Variants in OR52L1 observed in about 807,000 individuals in gnomAD.
OR52L1 encodes the protein olfactory receptor family 52 subfamily L member 1, also known as olfactory receptor 52L1.
OR52L1 carries 15 observed loss-of-function variants against 16.1 expected under a neutral mutation model. That is an observed-to-expected ratio of 0.93 (90% CI 0.62 to 1.44). The LOEUF is 1.44. Ranked by LOEUF, OR52L1 falls within the 40% of genes most tolerant of loss-of-function variation. OR52L1 has a pLI of 0.00. For synonymous variants in OR52L1, 166 were observed against 159.2 expected, an observed-to-expected ratio of 1.04 and a Z score of -0.32; for missense variants, 406 against 402.3, an observed-to-expected ratio of 1.01 and a Z score of -0.08.
rs766133237 is a variant in OR52L1 at position 5,986,120 on chromosome 11, C to T, written c.811G>A (p.Val271Ile). The change falls in exon 1 of 1, where the codon GTC (valine) becomes ATC (isoleucine). Residue 271 changes from valine (V) to isoleucine (I), a missense_variant. Coordinates refer to ENST00000332249, the MANE Select transcript of OR52L1 (RefSeq NM_001005173.3). ...GTGAGGAAGGAGAAAATTCCAGGGA[C>T]ATAGAAGACCAGGATGACACAAATA... ...SHICVILVFY[V>I]PGIFSFLTHR... 1.2e-5 allele frequency: 19 copies of T among 1,613,836 alleles called. No homozygotes were observed. The highest frequency in any genetic ancestry group is 2.7e-5 in the African/African-American group (2 of 74,906).
Position 5,986,446 on chromosome 11 carries a change from A to G in OR52L1, c.485T>C (p.Ile162Thr). 1 of 1,613,978 alleles carries G rather than the reference A, an allele frequency of 6.2e-7. No individual in the cohort carries two copies. The highest frequency in any genetic ancestry group is 1.3e-5 in the African/African-American group (1 of 75,026). Residue 162 changes from isoleucine to threonine, a missense_variant, in exon 1 of 1, where the codon ATC becomes ACC. By Grantham distance (89) the Ile-to-Thr change is moderately conservative. Transcript: ENST00000332249. ...TILHPGVIGR[I>T]GMVVLVRGLL... ...TCCCCTCACCAGCACCACCATTCCG[A>G]TGCGCCCTATGACCCCTGGATGCAG... is the stretch of plus-strand genomic sequence containing the variant.
Position 5,986,396 on chromosome 11 carries a change from T to C in OR52L1, c.535A>G (p.Ile179Val). ...CAGAAGATAAGTGTTCCCAACAAAA[T>C]GGGGAAGGGGATAAGGAGTAGTAAT... ...RGLLLLIPFP[I>V]LLGTLIFCQA... The change falls in exon 1 of 1, where the codon ATT becomes GTT. Residue 179 changes from isoleucine to valine, a missense_variant. Physicochemically the swap from Ile to Val is conservative, Grantham distance 29 (BLOSUM62 3). Coordinates refer to ENST00000332249, the MANE Select transcript of OR52L1 (RefSeq NM_001005173.3). 5 of 1,613,928 alleles carry C rather than the reference T, an allele frequency of 3.1e-6. No individual in the cohort carries two copies. Among genetic ancestry groups the C allele is most frequent in the Non-Finnish European group, 3.4e-6 (4 of 1,179,844 alleles).
At position 5,986,931 on chromosome 11, in the gene OR52L1, G is replaced by T. The variant is rs746453857; in HGVS notation, c.-1C>A. On this transcript the variant is annotated 5_prime_UTR_variant, in exon 1 of 1. Transcript: ENST00000332249. Reference sequence around the variant, plus strand: ...AAGAGAAAAAAGAAACCAAAGTCATGATTTCTGCATTCCTGCTACATTATC... The same window carrying T: ...AAGAGAAAAAAGAAACCAAAGTCATTATTTCTGCATTCCTGCTACATTATC... The T allele has an allele frequency of 6.2e-7, 1 of 1,611,452 alleles. No individual in the cohort carries two copies. Among genetic ancestry groups the T allele is most frequent in the South Asian group, 1.1e-5 (1 of 90,818 alleles).
At position 5,986,922 on chromosome 11, in the gene OR52L1, C is replaced by A. The variant is rs1482957997; in HGVS notation, c.9G>T (p.Leu3Phe). The change falls in exon 1 of 1, where the codon TTG (leucine) becomes TTT (phenylalanine). Residue 3 changes from leucine (L) to phenylalanine (F), a missense_variant. Physicochemically the swap from Leu to Phe is conservative, Grantham distance 22. Coordinates refer to ENST00000332249, the MANE Select transcript of OR52L1 (RefSeq NM_001005173.3). The part of the protein sequence containing the change: MT[L>F]VSFFSFLSKP... ...TGGAGAGGAAAGAGAAAAAAGAAACCAAAGTCATGATTTCTGCATTCCTGC... is the reference window on the plus strand; with the variant it reads ...TGGAGAGGAAAGAGAAAAAAGAAACAAAAGTCATGATTTCTGCATTCCTGC... 6.2e-7 allele frequency: 1 copy of A among 1,612,292 alleles called. No individual in the cohort carries two copies. The highest frequency in any genetic ancestry group is 1.3e-5 in the African/African-American group (1 of 74,874).
rs1848120093 is a variant in OR52L1 at position 5,986,589 on chromosome 11, G to A, written c.342C>T (p.Val114=). The change falls in exon 1 of 1, where the codon GTC becomes GTT. Residue 114 remains valine, a synonymous_variant. Transcript: ENST00000332249. The stretch of plus-strand genomic sequence containing the variant: ...GGATGAAGAACATCTGGATCAGGCA[G>A]ACGATGTACCCAATCTCGTGGGCAT... ...LVHAHEIGYI[V]CLIQMFFIHA... The A allele has an allele frequency of 6.2e-7, 1 of 1,613,894 alleles. No homozygotes were observed. Among genetic ancestry groups the A allele is most frequent in the Admixed American group, 1.7e-5 (1 of 59,996 alleles).
In OR52L1 at chr11:5,986,839, A is replaced by G. The variant is rs1718512386; in HGVS notation, c.92T>C (p.Leu31Pro). The G allele has an allele frequency of 6.2e-7, 1 of 1,613,984 alleles. No individual in the cohort carries two copies. The highest frequency in any genetic ancestry group is 1.6e-4 in the Middle Eastern group (1 of 6,062). ...SSWRLSQPSF[L>P]LVGIPGLEES... Reference sequence around the variant, plus strand: ...CTCTAAACCTGGAATCCCTACCAGGAGAAAAGAAGGCTGGGATAGCCTCCA... The same window carrying G: ...CTCTAAACCTGGAATCCCTACCAGGGGAAAAGAAGGCTGGGATAGCCTCCA... The change falls in exon 1 of 1, where the codon CTC becomes CCC. Residue 31 changes from leucine (L) to proline (P), a missense_variant. Transcript: ENST00000332249.
At position 5,986,032 on chromosome 11, in the gene OR52L1, A is replaced by G. The variant is rs1848112122; in HGVS notation, c.899T>C (p.Leu300Pro). Residue 300 changes from leucine to proline, a missense_variant, in exon 1 of 1, where the codon CTC (leucine) becomes CCC (proline). Coordinates refer to ENST00000332249, the MANE Select transcript of OR52L1 (RefSeq NM_001005173.3). ...VHVLLATRYL[L>P]MPPALNPLVY... The stretch of plus-strand genomic sequence containing the variant: ...AAGAGGATTGAGCGCAGGTGGCATG[A>G]GGAGATACCGTGTGGCCAGAAGAAC... The G allele has an allele frequency of 1.2e-6, 2 of 1,613,710 alleles. No individual in the cohort carries two copies. Among genetic ancestry groups the G allele is most frequent in the Non-Finnish European group, 1.7e-6 (2 of 1,179,742 alleles).
At position 5,986,401 on chromosome 11, in the gene OR52L1, A is replaced by G; in HGVS notation, c.530T>C (p.Phe177Ser). The change falls in exon 1 of 1, where the codon TTC becomes TCC. Residue 177 changes from phenylalanine to serine, a missense_variant. Transcript: ENST00000332249. ...LVRGLLLLIPFPILLGTLIFC... is the reference protein window; with the variant it reads ...LVRGLLLLIPSPILLGTLIFC... Reference sequence around the variant, plus strand: ...GATAAGTGTTCCCAACAAAATGGGGAAGGGGATAAGGAGTAGTAATCCCCT... The same window carrying G: ...GATAAGTGTTCCCAACAAAATGGGGGAGGGGATAAGGAGTAGTAATCCCCT... The G allele has an allele frequency of 6.2e-7, 1 of 1,613,904 alleles. No homozygotes were observed. Among genetic ancestry groups the G allele is most frequent in the Non-Finnish European group, 8.5e-7 (1 of 1,179,806 alleles).
rs762824712 is a variant in OR52L1 at position 5,986,977 on chromosome 11, C to T, written c.-47G>A. The T allele has an allele frequency of 5.7e-6, 9 of 1,566,352 alleles. No individual in the cohort carries two copies. In the South Asian group the frequency reaches 5.9e-5, roughly 10 times the overall value. On this transcript the variant is annotated 5_prime_UTR_variant, in exon 1 of 1. Coordinates refer to ENST00000332249, the MANE Select transcript of OR52L1 (RefSeq NM_001005173.3). ...TTATCACATTGTCCAAATGGGGCAACCATCATCCTGAGAAGAATAAAGTGA... is the reference window on the plus strand; with the variant it reads ...TTATCACATTGTCCAAATGGGGCAATCATCATCCTGAGAAGAATAAAGTGA...
Position 5,986,946 on chromosome 11 carries a change from G to T in OR52L1, c.-16C>A, listed in dbSNP as rs183413142. ...CCAAAGTCATGATTTCTGCATTCCT[G>T]CTACATTATCACATTGTCCAAATGG... On this transcript the variant is annotated 5_prime_UTR_variant, in exon 1 of 1. Transcript: ENST00000332249. 581 of 1,608,304 alleles carry T rather than the reference G, an allele frequency of 3.6e-4. No individual in the cohort carries two copies. The highest frequency in any genetic ancestry group is 7.7e-4 in the Admixed American group (46 of 59,424).
Position 5,986,954 on chromosome 11 carries a change from A to G in OR52L1, c.-24T>C. On this transcript the variant is annotated 5_prime_UTR_variant, in exon 1 of 1. Transcript: ENST00000332249. Reference sequence around the variant, plus strand: ...ATGATTTCTGCATTCCTGCTACATTATCACATTGTCCAAATGGGGCAACCA... The same window carrying G: ...ATGATTTCTGCATTCCTGCTACATTGTCACATTGTCCAAATGGGGCAACCA... The G allele has an allele frequency of 6.2e-7, 1 of 1,604,732 alleles. No homozygotes were observed. The highest frequency in any genetic ancestry group is 8.5e-7 in the Non-Finnish European group (1 of 1,175,978).
Position 5,986,324 on chromosome 11 carries a change from C to T in OR52L1, c.607G>A (p.Val203Met), listed in dbSNP as rs1369108981. The T allele has an allele frequency of 3.7e-6, 6 of 1,614,010 alleles. No individual in the cohort carries two copies. The highest frequency in any genetic ancestry group is 4.2e-6 in the Non-Finnish European group (5 of 1,179,886). ...GHAYCEHMAV[V>M]KLACSETTVN... ...GTGGTTTCTGAGCAGGCAAGTTTCA[C>T]AACAGCCATATGTTCACAATAGGCA... Residue 203 changes from valine (V) to methionine (M), a missense_variant, in exon 1 of 1, where the codon GTG becomes ATG. Coordinates refer to ENST00000332249, the MANE Select transcript of OR52L1 (RefSeq NM_001005173.3).
rs1848111619 is a variant in OR52L1, at chr11:5,985,986, C to A, written c.945G>T (p.Gln315His). ...CTCTGAGCACTCGCTGGCGGATCTG[C>A]TGAGTCTTCACTCCATAGACAAGAG... ...LNPLVYGVKT[Q>H]QIRQRVLRVF... The change falls in exon 1 of 1, where the codon CAG (glutamine) becomes CAT (histidine). Residue 315 changes from glutamine to histidine, a missense_variant. Coordinates refer to ENST00000332249, the MANE Select transcript of OR52L1 (RefSeq NM_001005173.3). 1 of 1,612,138 alleles carries A rather than the reference C, an allele frequency of 6.2e-7. No homozygotes were observed. The highest frequency in any genetic ancestry group is 8.5e-7 in the Non-Finnish European group (1 of 1,179,124).
In OR52L1 at chr11:5,986,709, G is replaced by A; in HGVS notation, c.222C>T (p.His74=). ...LFIIWMDPSL[H]QSMYLFLSML... is the part of the protein sequence containing the mutation. ...TGGACAGGAAGAGGTACATAGATTG[G>A]TGCAAGGATGGGTCCATCCAGATGA... The change falls in exon 1 of 1, where the codon CAC becomes CAT. Residue 74 remains histidine (H), a synonymous_variant. Coordinates refer to ENST00000332249, the MANE Select transcript of OR52L1 (RefSeq NM_001005173.3). 6.2e-7 allele frequency: 1 copy of A among 1,613,948 alleles called. No individual in the cohort carries two copies. Among genetic ancestry groups the A allele is most frequent in the Non-Finnish European group, 8.5e-7 (1 of 1,179,862 alleles).
rs761657023 is a variant in OR52L1, at chr11:5,986,833, A to C, written c.98T>G (p.Val33Gly). The change falls in exon 1 of 1, where the codon GTA becomes GGA. Residue 33 changes from valine to glycine, a missense_variant. Val to Gly is a moderately radical substitution (Grantham distance 109). Transcript: ENST00000332249. The stretch of plus-strand genomic sequence containing the variant: ...GCTTTCCTCTAAACCTGGAATCCCT[A>C]CCAGGAGAAAAGAAGGCTGGGATAG... The part of the protein sequence containing the change: ...WRLSQPSFLL[V>G]GIPGLEESQH... 5.0e-6 allele frequency: 8 copies of C among 1,613,848 alleles called. No homozygotes were observed. Among genetic ancestry groups the C allele is most frequent in the Admixed American group, 1.7e-5 (1 of 60,008 alleles).
At position 5,986,035 on chromosome 11, in the gene OR52L1, A is replaced by G; in HGVS notation, c.896T>C (p.Leu299Pro). 3 of 1,613,778 alleles carry G rather than the reference A, an allele frequency of 1.9e-6. No individual in the cohort carries two copies. The East Asian group carries it at 6.7e-5, about 36-fold the overall frequency. ...AGGATTGAGCGCAGGTGGCATGAGG[A>G]GATACCGTGTGGCCAGAAGAACATG... ...HVHVLLATRY[L>P]LMPPALNPLV... The change falls in exon 1 of 1, where the codon CTC becomes CCC. Residue 299 changes from leucine to proline, a missense_variant. Leu to Pro is a moderately conservative substitution (Grantham distance 98). Transcript: ENST00000332249.
chr11:5,986,644 G>C lies in OR52L1; in HGVS notation c.287C>G (p.Ala96Gly), dbSNP rs72484715. 3 of 1,613,916 alleles carry C rather than the reference G, an allele frequency of 1.9e-6. No individual in the cohort carries two copies. The South Asian group carries it at 3.3e-5, about 18-fold the overall frequency. The change falls in exon 1 of 1, where the codon GCA (alanine) becomes GGA (glycine). Residue 96 changes from alanine (A) to glycine (G), a missense_variant. Physicochemically the swap from Ala to Gly is moderately conservative, Grantham distance 60. Coordinates refer to ENST00000332249, the MANE Select transcript of OR52L1 (RefSeq NM_001005173.3). Reference protein sequence around the residue: ...AIDLVLASSTAPKALAVLLVH... With the variant: ...AIDLVLASSTGPKALAVLLVH... ...CAGGAGCACTGCAAGGGCTTTGGGT[G>C]CAGTGGAGGAGGCCAGAACCAGGTC...
rs1425584298 is a variant in OR52L1 at position 5,986,508 on chromosome 11, A to G, written c.423T>C (p.Tyr141=). The G allele has an allele frequency of 2.1e-5, 34 of 1,613,752 alleles. No individual in the cohort carries two copies. Among genetic ancestry groups the G allele is most frequent in the Non-Finnish European group, 2.8e-5 (33 of 1,179,794 alleles). ...GVLVAMALDR[Y]VAICHPLHHS... Reference sequence around the variant, plus strand: ...GGTGCAAGGGGTGACAAATGGCTACATAGCGATCCAGAGCCATGGCCACAA... The same window carrying G: ...GGTGCAAGGGGTGACAAATGGCTACGTAGCGATCCAGAGCCATGGCCACAA... The change falls in exon 1 of 1, where the codon TAT becomes TAC. Residue 141 remains tyrosine, a synonymous_variant. Coordinates refer to ENST00000332249, the MANE Select transcript of OR52L1 (RefSeq NM_001005173.3).
rs762194952 is a variant in OR52L1, at chr11:5,985,898, C to G, written c.*43G>C. ...CAGTCACAGGCTCCTGGCTGTGGTCCGCAGAAGAAGCCTCCGAAGGAAACA... is the reference window on the plus strand; with the variant it reads ...CAGTCACAGGCTCCTGGCTGTGGTCGGCAGAAGAAGCCTCCGAAGGAAACA... On this transcript the variant is annotated 3_prime_UTR_variant, in exon 1 of 1. Transcript: ENST00000332249. The G allele has an allele frequency of 1.3e-6, 2 of 1,526,646 alleles. No homozygotes were observed. Among genetic ancestry groups the G allele is most frequent in the Admixed American group, 4.1e-5 (2 of 48,480 alleles). The allele number at this position is 1,526,646 out of a possible 1,614,324, so 94.6% of individuals were successfully genotyped here.
Sources: gnomAD v4.1 joint callset for allele counts on GRCh38, gnomAD v4.1.1 for gene constraint, MANE v1.5 for transcripts, NCBI Gene and HGNC (gene_info 2026-07-23, HGNC 2026-07-21) for gene names.